Variants in USH2A observed in about 807,000 individuals in gnomAD.
USH2A encodes usherin.
In USH2A, 443 loss-of-function variants were observed where a neutral mutation model predicts 538.9. That is an observed-to-expected ratio of 0.82 (90% confidence interval 0.76 to 0.89). USH2A has a LOEUF of 0.89. Among genes scored for constraint, USH2A ranks in the 40% least tolerant of loss-of-function variants. The pLI is 0.00. For synonymous variants in USH2A, 2,413 were observed against 2,273.5 expected (o/e 1.06, Z -1.75); for missense variants, 6,633 against 6,324.8 (o/e 1.05, Z -1.65).
intron 21 of USH2A, among the ~76,000 whole-genome samples, chr1:216,125,239 C>CAAAAA (rs5780870): frequency 2.0e-4 from 29 of 145,348 alleles, no homozygotes; most frequent in African/African-American, 1.8e-4. Flanking sequence ...TTTAAACAAG[C>CAAAAA]AAAAAAAAAA....
At chr1:216,170,443 T>C (rs2034254157) in intron 21 of USH2A, among the ~76,000 whole-genome samples, 1 of 152,106 alleles carries the variant, frequency 6.6e-6, no homozygotes, top group African/African-American at 2.4e-5. Flanking sequence ...TAATCACATT[T>C]CTCGTGAAGA....
chr1:216,228,738 C>A (rs1368189159), intron 14 of USH2A, among the ~76,000 whole-genome samples: 3 of 151,708 alleles, frequency 2.0e-5, no homozygotes, highest in African/African-American at 7.3e-5. Flanking sequence ...TGAAAACGGA[C>A]TAATACAGGG....
At chr1:215,959,806 T>C (rs1667152743) in intron 37 of USH2A, among the ~76,000 whole-genome samples, 1 of 152,130 alleles carries the variant, frequency 6.6e-6, no homozygotes, top group Non-Finnish European at 1.5e-5. Flanking sequence ...GAGTTAACAG[T>C]GCACAAAGGA....
At chr1:215,957,263 T>C (rs999813701) in intron 37 of USH2A, among the ~76,000 whole-genome samples, 4 of 152,162 alleles carry the variant, frequency 2.6e-5, no homozygotes, top group African/African-American at 9.7e-5. Flanking sequence ...TCCTAATATC[T>C]TTTGTGCTGA....
At chr1:216,055,433 A>T (rs564058442) in intron 30 of USH2A, among the ~76,000 whole-genome samples, 5 of 152,330 alleles carry the variant, frequency 3.3e-5, no homozygotes, top group Admixed American at 6.5e-5. Context: ...CTGGCTGAGG[A>T]TCCCGCTGCA....
rs561230726 is a variant in USH2A, at chr1:216,324,100, G to T, written c.1328+68C>A. 9.1e-6 allele frequency: 14 copies of T among 1,534,876 alleles called. No homozygotes were observed. The South Asian group carries it at 1.7e-4, about 18-fold the overall frequency. ...AGGGAAGTCTCCACCAGCCTAGAGAGCTAGCATACTTGTACATTATTAATA... is the reference window on the plus strand; with the variant it reads ...AGGGAAGTCTCCACCAGCCTAGAGATCTAGCATACTTGTACATTATTAATA... On this transcript the variant is annotated intron_variant, in intron 7 of 71. Transcript: ENST00000307340.
chr1:216,251,776 T>C (rs986872349), intron 11 of USH2A, among the ~76,000 whole-genome samples: 1 of 152,138 alleles, frequency 6.6e-6, no homozygotes, highest in Non-Finnish European at 1.5e-5. Context: ...TACTGTCTCA[T>C]TGATTTAAAC....
At position 215,628,825 on chromosome 1, in the gene USH2A, T is replaced by C. The variant is rs751287278; in HGVS notation, c.15508A>G (p.Asn5170Asp). Residue 5170 changes from asparagine to aspartate, a missense_variant, in exon 71 of 72, where the codon AAC becomes GAC. Physicochemically the swap from Asn to Asp is conservative, Grantham distance 23. Transcript: ENST00000307340. ...GGAAACCAACTCACCAGTCCACTGT[T>C]GTGGCCCATGATGGCTTCCCACAGT... ...NSLWEAIMGH[N>D]SGLYVDEEDL... 4 of 1,614,164 alleles carry C rather than the reference T, an allele frequency of 2.5e-6. No individual in the cohort carries two copies. Among genetic ancestry groups the C allele is most frequent in the Non-Finnish European group, 3.4e-6 (4 of 1,180,026 alleles).
chr1:216,318,076 A>G (rs2037541658), intron 9 of USH2A, among the ~76,000 whole-genome samples: 1 of 152,142 alleles, frequency 6.6e-6, no homozygotes, highest in Non-Finnish European at 1.5e-5. Flanking sequence ...CCTTTTCTCA[A>G]CTTCATTCAT....
intron 34 of USH2A, among the ~76,000 whole-genome samples, chr1:215,993,809 C>T (rs1668068621): frequency 1.3e-5 from 2 of 152,106 alleles, no homozygotes; most frequent in Non-Finnish European, 1.5e-5. Flanking sequence ...AGATAGGCTT[C>T]ATTAAAACAT....
At chr1:216,004,367 A>G (rs1215169552) in intron 32 of USH2A, among the ~76,000 whole-genome samples, 3 of 152,170 alleles carry the variant, frequency 2.0e-5, no homozygotes, top group Non-Finnish European at 4.4e-5. Context: ...AAGGAGACAG[A>G]GAGTGACCAG....
At chr1:215,905,018 G>A (rs1419867319) in intron 38 of USH2A, among the ~76,000 whole-genome samples, 2 of 152,030 alleles carry the variant, frequency 1.3e-5, no homozygotes, top group Non-Finnish European at 2.9e-5. Context: ...ACTTATACAT[G>A]TCCTAAACTT....
In USH2A at chr1:215,897,457, C is replaced by A. The variant is rs140081479; in HGVS notation, c.7594+2618G>T. 3.5e-3 allele frequency among the ~76,000 whole-genome samples: 526 copies of A among 152,138 alleles called. 4 individuals carry two copies. The highest frequency in any genetic ancestry group is 0.012 in the African/African-American group (506 of 41,534). ...ATCCCAGCACTTTGGGAGGCTGAGG[C>A]GGCTGGATCACCTGAGGTCAGGAGT... On this transcript the variant is annotated intron_variant, in intron 40 of 71. Transcript: ENST00000307340.
At chr1:215,805,861 A>C (rs1266682149) in intron 49 of USH2A, among the ~76,000 whole-genome samples, 3 of 152,038 alleles carry the variant, frequency 2.0e-5, no homozygotes, top group Non-Finnish European at 2.9e-5. Context: ...TTAAGCAATT[A>C]GATAAAGCCA....
chr1:216,030,366 A>C (rs1281681667), intron 32 of USH2A, among the ~76,000 whole-genome samples: 1 of 137,808 alleles, frequency 7.3e-6, no homozygotes, highest in Non-Finnish European at 1.5e-5. Context: ...GATATATAAT[A>C]TATATGATAT....
chr1:215,897,731 G>GAA (rs1168695956), intron 40 of USH2A, among the ~76,000 whole-genome samples: 1 of 150,830 alleles, frequency 6.6e-6, no homozygotes, highest in Non-Finnish European at 1.5e-5. Context: ...GAGAAAGAAA[G>GAA]AAAGAGAGAG....
chr1:215,805,258 C>T (rs1320390889), intron 49 of USH2A, among the ~76,000 whole-genome samples: 1 of 149,436 alleles, frequency 6.7e-6, no homozygotes, highest in Non-Finnish European at 1.5e-5. Context: ...ACGTTGTGCA[C>T]ATGTACCCTA....
At chr1:216,204,866 G>A (rs2035077944) in intron 16 of USH2A, among the ~76,000 whole-genome samples, 1 of 152,136 alleles carries the variant, frequency 6.6e-6, no homozygotes. Context: ...TAATTACAGT[G>A]ATTGTCAAGA....
At chr1:216,362,004 CTG>C (rs2038499905) in intron 4 of USH2A, among the ~76,000 whole-genome samples, 1 of 152,202 alleles carries the variant, frequency 6.6e-6, no homozygotes, top group East Asian at 1.9e-4. Context: ...TTAGGGGACT[CTG>C]AGATTCTGGA....
Sources: gnomAD v4.1 joint callset for allele counts (sites outside exome capture counted in the v4.1 genomes callset) on GRCh38, gnomAD v4.1.1 for gene constraint, MANE v1.5 for transcripts, NCBI Gene and HGNC (gene_info 2026-07-23, HGNC 2026-07-21) for gene names.